The following NCKAP5 variants were observed in gnomAD, a reference collection of about 807,000 sequenced individuals.
NCKAP5 encodes NCK associated protein 5, also known as nck-associated protein 5.
NCKAP5 carries 92 observed loss-of-function variants against 167.0 expected under a neutral mutation model. The observed-to-expected ratio is 0.55, with a 90% CI of 0.47 to 0.66. NCKAP5 has a LOEUF of 0.66. Ranked by LOEUF, NCKAP5 falls within the 30% of genes least tolerant of loss-of-function variation. The probability of loss-of-function intolerance (pLI) is 0.00; values close to 1 mark genes in which losing one functional copy is unlikely to be tolerated. For synonymous variants in NCKAP5, 891 were observed against 877.4 expected (o/e 1.02, Z -0.27); for missense variants, 2,378 against 2,315.0 (o/e 1.03, Z -0.56).
intron 11 of NCKAP5, among the ~76,000 whole-genome samples, chr2:132,854,287 GA>G (rs916591238): frequency 1.3e-5 from 2 of 151,628 alleles, no homozygotes; most frequent in South Asian, 2.1e-4. Flanking sequence ...CTTGTTCAAA[GA>G]AAAAAAACAC....
intron 16 of NCKAP5, among the ~76,000 whole-genome samples, chr2:132,757,382 TTAAA>T (rs1680639753): frequency 6.6e-6 from 1 of 152,198 alleles, no homozygotes; most frequent in African/African-American, 2.4e-5. Flanking sequence ...CTATGACTCA[TTAAA>T]AAGTACCCAG....
chr2:132,726,192 A>G (rs1690441063), intron 18 of NCKAP5, among the ~76,000 whole-genome samples: 1 of 152,250 alleles, frequency 6.6e-6, no homozygotes, highest in Non-Finnish European at 1.5e-5. Flanking sequence ...GTAATAAAAC[A>G]ATCAACCTTG....
chr2:133,541,257 A>C (rs1686209021), intron 2 of NCKAP5, among the ~76,000 whole-genome samples: 1 of 146,888 alleles, frequency 6.8e-6, no homozygotes, highest in African/African-American at 2.5e-5. Flanking sequence ...ACTTTGTTAA[A>C]ACTTTTAATT....
chr2:133,098,266 G>A (rs1450093225), intron 6 of NCKAP5, among the ~76,000 whole-genome samples: 2 of 152,124 alleles, frequency 1.3e-5, no homozygotes, highest in South Asian at 4.1e-4. Flanking sequence ...TATTGTTAAT[G>A]TGACCAACGC....
At chr2:132,988,703 T>C (rs1318587418) in intron 7 of NCKAP5, among the ~76,000 whole-genome samples, 6 of 152,180 alleles carry the variant, frequency 3.9e-5, no homozygotes, top group Non-Finnish European at 8.8e-5. Flanking sequence ...TGGGTTGTTA[T>C]GGCATGGCTT....
chr2:133,312,067 A>G (rs1371870394), intron 3 of NCKAP5, among the ~76,000 whole-genome samples: 1 of 152,230 alleles, frequency 6.6e-6, no homozygotes, highest in African/African-American at 2.4e-5. Flanking sequence ...TAAAATTCAC[A>G]ACCAAAATTT....
intron 8 of NCKAP5, among the ~76,000 whole-genome samples, chr2:132,918,444 C>T (rs919671884): frequency 2.0e-5 from 3 of 152,064 alleles, no homozygotes; most frequent in Non-Finnish European, 2.9e-5. Context: ...AGACATAGAT[C>T]GTAGGGTTTG....
chr2:133,389,232 C>T (rs576167889), intron 3 of NCKAP5, among the ~76,000 whole-genome samples: 7 of 152,364 alleles, frequency 4.6e-5, no homozygotes, highest in African/African-American at 1.7e-4. Context: ...CTATTTCAGT[C>T]ATTCAAAAAG....
chr2:133,123,972 G>A (rs974428833), intron 6 of NCKAP5, among the ~76,000 whole-genome samples: 1 of 152,142 alleles, frequency 6.6e-6, no homozygotes, highest in Non-Finnish European at 1.5e-5. Flanking sequence ...TAAAGTCTCT[G>A]AGAACCGATA....
intron 8 of NCKAP5, among the ~76,000 whole-genome samples, chr2:132,950,194 TCC>T (rs1382910381): frequency 6.6e-6 from 1 of 152,190 alleles, no homozygotes; most frequent in Non-Finnish European, 1.5e-5. Context: ...TGAAAAAGTC[TCC>T]GTTTTAAAAT....
At chr2:133,014,133 C>A (rs1349021744) in intron 6 of NCKAP5, among the ~76,000 whole-genome samples, 1 of 152,160 alleles carries the variant, frequency 6.6e-6, no homozygotes, top group South Asian at 2.1e-4. Flanking sequence ...TGATTGAAAA[C>A]CTTCCATGGA....
intron 5 of NCKAP5, 83 bp from the exon 6 acceptor site, chr2:133,130,194 G>C: frequency 2.1e-6 from 3 of 1,446,950 alleles, no homozygotes; most frequent in Non-Finnish European, 1.9e-6. Context: ...GTGATAACTT[G>C]AGCTTTATAT....
rs763433843 is a variant in NCKAP5, at chr2:132,785,389, G to A, written c.1422C>T (p.Ser474=). 1.2e-6 allele frequency: 2 copies of A among 1,613,984 alleles called. No individual in the cohort carries two copies. Among genetic ancestry groups the A allele is most frequent in the Non-Finnish European group, 1.7e-6 (2 of 1,179,896 alleles). The change falls in exon 14 of 20, where the codon TCC becomes TCT. Residue 474 remains serine, a synonymous_variant. Coordinates refer to ENST00000409261, the MANE Select transcript of NCKAP5 (RefSeq NM_207363.3). ...PHKTFVYDLD[S]HVDADDDPST... is the part of the protein sequence containing the mutation. ...AAGGGTCATCGTCCGCATCAACGTG[G>A]GAATCTAGATCATAAACAAATGTCT... is the stretch of plus-strand genomic sequence containing the variant.
chr2:133,271,645 G>T (rs755932666), intron 4 of NCKAP5, among the ~76,000 whole-genome samples: 5 of 152,102 alleles, frequency 3.3e-5, no homozygotes, highest in Non-Finnish European at 5.9e-5. Context: ...AAAAAGTAGA[G>T]GCACTATCAT....
chr2:133,177,489 GATGTTCTCAGA>G (rs1312930142), intron 5 of NCKAP5, among the ~76,000 whole-genome samples: 1 of 152,104 alleles, frequency 6.6e-6, no homozygotes, highest in Non-Finnish European at 1.5e-5. Context: ...AAACCACACA[GATGTTCTCAGA>G]ATGCAAACAT....
intron 2 of NCKAP5, among the ~76,000 whole-genome samples, chr2:133,541,105 C>T (rs1347406521): frequency 6.6e-6 from 1 of 150,624 alleles, no homozygotes; most frequent in African/African-American, 2.4e-5. Context: ...AATTAATATG[C>T]ATGTCACAAA....
chr2:133,190,590 C>A (rs1172474916), intron 5 of NCKAP5, among the ~76,000 whole-genome samples: 1 of 151,916 alleles, frequency 6.6e-6, no homozygotes, highest in Non-Finnish European at 1.5e-5. Flanking sequence ...CAATGGGACA[C>A]AACAGAGCCC....
At chr2:133,221,553 T>C (rs1016028524) in intron 4 of NCKAP5, among the ~76,000 whole-genome samples, 23 of 152,208 alleles carry the variant, frequency 1.5e-4, no homozygotes, top group Admixed American at 1.0e-3. Flanking sequence ...CAGTTCCAAA[T>C]TCAAAGACTT....
chr2:133,202,290 AT>A (rs1201455790), intron 5 of NCKAP5, among the ~76,000 whole-genome samples: 2 of 152,122 alleles, frequency 1.3e-5, no homozygotes, highest in Non-Finnish European at 2.9e-5. Context: ...TGGGGAAAGG[AT>A]TTCCCTATTT....
Sources: allele counts gnomAD v4.1 joint callset (sites outside exome capture counted in the v4.1 genomes callset), GRCh38; gene constraint gnomAD v4.1.1; transcripts MANE v1.5; gene names NCBI Gene and HGNC (gene_info 2026-07-23, HGNC 2026-07-21).